MVB12B: variants seen among roughly 807,000 people sequenced by gnomAD.
MVB12B encodes the protein multivesicular body subunit 12B.
MVB12B carries 16 observed loss-of-function variants against 41.6 expected under a neutral mutation model. The observed-to-expected ratio is 0.38, with a 90% CI of 0.26 to 0.58. MVB12B has a LOEUF of 0.58. Among genes scored for constraint, MVB12B ranks in the 20% least tolerant of loss-of-function variants. The pLI, the probability that MVB12B is intolerant of heterozygous loss-of-function variation, is 0.62. For missense variants in MVB12B, 274 were observed against 380.2 expected, an observed-to-expected ratio of 0.72 and a Z score of 2.32; for synonymous variants, 133 against 139.7, an observed-to-expected ratio of 0.95 and a Z score of 0.34.
intron 6 of MVB12B, among the ~76,000 whole-genome samples, chr9:126,402,266 C>T (rs1352938667): frequency 2.6e-5 from 4 of 152,118 alleles, no homozygotes. Context: ...ATTTTGAGCT[C>T]CACTTCCATA....
At chr9:126,406,717 G>C (rs1831439849) in intron 6 of MVB12B, among the ~76,000 whole-genome samples, 1 of 152,158 alleles carries the variant, frequency 6.6e-6, no homozygotes, top group African/African-American at 2.4e-5. Flanking sequence ...CTTTTATATG[G>C]GAGGTCGGTG....
chr9:126,428,395 G>A (rs750322877), intron 7 of MVB12B, among the ~76,000 whole-genome samples: 1 of 151,874 alleles, frequency 6.6e-6, no homozygotes, highest in Non-Finnish European at 1.5e-5. Context: ...AAAAAAATGT[G>A]TATCTTACAA....
intron 7 of MVB12B, among the ~76,000 whole-genome samples, chr9:126,477,932 G>A (rs985987203): frequency 6.6e-6 from 1 of 152,170 alleles, no homozygotes; most frequent in Non-Finnish European, 1.5e-5. Flanking sequence ...CCAGGCTTAC[G>A]GGACCACCTA....
chr9:126,493,011 A>G (rs1468086919), intron 9 of MVB12B, among the ~76,000 whole-genome samples: 1 of 152,212 alleles, frequency 6.6e-6, no homozygotes, highest in Non-Finnish European at 1.5e-5. Context: ...CGTTTTAAAG[A>G]GAGCAAACTT....
intron 8 of MVB12B, among the ~76,000 whole-genome samples, chr9:126,481,815 T>A (rs1833528736): frequency 1.3e-5 from 2 of 152,234 alleles, no homozygotes; most frequent in Admixed American, 1.3e-4. Context: ...ATGTTCTTTG[T>A]CTCCCAAGTC....
Position 126,326,896 on chromosome 9 carries a change from C to T in MVB12B, c.-34C>T, listed in dbSNP as rs1205170073. ...GCGGCGCCGGCTCCTGCCGCCTGGG[C>T]CCCGGGCCCGGCCCCTCCCGCGCCG... is the stretch of plus-strand genomic sequence containing the variant. On this transcript the variant is annotated 5_prime_UTR_variant, in exon 1 of 10. Coordinates refer to ENST00000361171, the MANE Select transcript of MVB12B (RefSeq NM_033446.3). 1.0e-5 allele frequency: 2 copies of T among 194,954 alleles called. No individual in the cohort carries two copies. Among genetic ancestry groups the T allele is most frequent in the Non-Finnish European group, 2.0e-5 (2 of 98,130 alleles). 12.1% of individuals were successfully genotyped at this position (194,954 alleles called of 1,614,324 possible).
At chr9:126,423,604 T>G (rs978982843) in intron 7 of MVB12B, among the ~76,000 whole-genome samples, 5 of 152,212 alleles carry the variant, frequency 3.3e-5, no homozygotes, top group Admixed American at 2.0e-4. Context: ...ATTTCAGGCC[T>G]CCTCAGTGGC....
At chr9:126,349,554 C>T (rs535638238) in intron 2 of MVB12B, among the ~76,000 whole-genome samples, 6 of 152,278 alleles carry the variant, frequency 3.9e-5, no homozygotes, top group African/African-American at 1.4e-4. Flanking sequence ...TTCTCCATTT[C>T]TATAATTCTG....
chr9:126,500,577 CCCCAGACCTA>C (rs1833932870), intron 9 of MVB12B, among the ~76,000 whole-genome samples: 1 of 152,336 alleles, frequency 6.6e-6, no homozygotes. Flanking sequence ...TCAGGCCTGG[CCCCAGACCTA>C]CCCAGTCAGA....
intron 9 of MVB12B, among the ~76,000 whole-genome samples, chr9:126,487,076 A>G (rs1425684958): frequency 6.6e-6 from 1 of 152,208 alleles, no homozygotes; most frequent in South Asian, 2.1e-4. Flanking sequence ...GGCCACCCCC[A>G]GGAGGTGCAG....
chr9:126,396,178 G>A, intron 6 of MVB12B: 3 of 986,882 alleles, frequency 3.0e-6, no homozygotes, highest in Non-Finnish European at 3.6e-6. Context: ...AGAGAATAGT[G>A]AGGAGTTTTT....
intron 2 of MVB12B, among the ~76,000 whole-genome samples, chr9:126,368,623 T>TCTATCAACCAAAGAGTGAAGGGTAATA (rs1830247786): frequency 6.6e-6 from 1 of 152,200 alleles, no homozygotes; most frequent in East Asian, 1.9e-4. Flanking sequence ...GTGAAAATAT[T>TCTATCAACCAAAGAGTGAAGGGTAATA]ACCTTTCTTT....
chr9:126,458,541 C>T (rs1429310436), intron 7 of MVB12B, among the ~76,000 whole-genome samples: 1 of 152,104 alleles, frequency 6.6e-6, no homozygotes, highest in Non-Finnish European at 1.5e-5. Flanking sequence ...TCCCCTGGGG[C>T]TTTAGGGAAA....
At chr9:126,428,901 G>A (rs903621354) in intron 7 of MVB12B, among the ~76,000 whole-genome samples, 3 of 152,090 alleles carry the variant, frequency 2.0e-5, no homozygotes, top group South Asian at 4.1e-4. Context: ...ATATGTTCTC[G>A]TGGCTCGGGG....
intron 7 of MVB12B, among the ~76,000 whole-genome samples, chr9:126,466,948 C>T (rs1399666210): frequency 6.6e-6 from 1 of 152,118 alleles, no homozygotes; most frequent in East Asian, 1.9e-4. Flanking sequence ...CTGCTTCAGC[C>T]TCCCGAGTAG....
intron 6 of MVB12B, among the ~76,000 whole-genome samples, chr9:126,416,892 CTTCATCCTTGTCTCTCACT>C (rs2119075767): frequency 6.6e-6 from 1 of 152,320 alleles, no homozygotes; most frequent in African/African-American, 2.4e-5. Context: ...ATGGCAGAGC[CTTCATCCTTGTCTCTCACT>C]TTCAGGCTAA....
At chr9:126,440,272 T>C (rs1427585728) in intron 7 of MVB12B, among the ~76,000 whole-genome samples, 1 of 152,184 alleles carries the variant, frequency 6.6e-6, no homozygotes, top group African/African-American at 2.4e-5. Context: ...ACAGGACATG[T>C]GCTAACTAGG....
At chr9:126,397,706 GTT>G in intron 6 of MVB12B, 3 of 877,082 alleles carry the variant, frequency 3.4e-6, no homozygotes, top group Non-Finnish European at 4.1e-6. Flanking sequence ...GGGTTTTTTG[GTT>G]TTTGTGGGGT....
chr9:126,469,566 C>A (rs1564342525), intron 7 of MVB12B, among the ~76,000 whole-genome samples: 1 of 152,358 alleles, frequency 6.6e-6, no homozygotes, highest in Admixed American at 6.5e-5. Context: ...ACAGGCCATG[C>A]CTGTCAGGCC....
Sources: allele counts gnomAD v4.1 joint callset (sites outside exome capture counted in the v4.1 genomes callset), GRCh38; gene constraint gnomAD v4.1.1; transcripts MANE v1.5; gene names NCBI Gene and HGNC (gene_info 2026-07-23, HGNC 2026-07-21).